Variants in CARS1 observed in about 807,000 individuals in gnomAD.
CARS1 encodes the protein cysteinyl-tRNA synthetase 1, also known as cysteine--tRNA ligase, cytoplasmic.
Under a neutral mutation model 106.2 loss-of-function variants are expected in CARS1, and 48 were observed. The observed-to-expected ratio is 0.45, with a 90% CI of 0.36 to 0.57. The LOEUF (loss-of-function observed/expected upper bound fraction) is 0.57. Ranked by LOEUF, CARS1 falls within the 20% of genes least tolerant of loss-of-function variation. The probability of loss-of-function intolerance (pLI) is 0.00; values close to 1 mark genes in which losing one functional copy is unlikely to be tolerated. For synonymous variants in CARS1, 409 were observed against 403.4 expected, an observed-to-expected ratio of 1.01 and a Z score of -0.17; for missense variants, 968 against 1,057.2, an observed-to-expected ratio of 0.92 and a Z score of 1.17.
In CARS1 at chr11:3,021,722, C is replaced by T. The variant is rs1402232884; in HGVS notation, c.1154-1390G>A. 1.3e-5 allele frequency among the ~76,000 whole-genome samples: 2 copies of T among 152,138 alleles called. No individual in the cohort carries two copies. Among genetic ancestry groups the T allele is most frequent in the African/African-American group, 4.8e-5 (2 of 41,452 alleles). On this transcript the variant is annotated intron_variant, in intron 10 of 22. Coordinates refer to ENST00000380525, the MANE Select transcript of CARS1 (RefSeq NM_001014437.3). This position sits in a 1 kb window ranked among gnomAD's most constrained non-coding sequence, Gnocchi z 5.3. The stretch of plus-strand genomic sequence containing the variant: ...ATTCCCAGATTAAAAAACAAACACA[C>T]AAAAACACAAAAAACCTCTGCAAGC...
intron 18 of CARS1, 53 bp downstream of exon 18, chr11:3,012,142 G>A (rs760693669): frequency 3.3e-6 from 5 of 1,507,534 alleles, no homozygotes; most frequent in Non-Finnish European, 4.6e-6. Flanking sequence ...CCCGGTCCGG[G>A]GAGCCCAGTG....
intron 22 of CARS1, among the ~76,000 whole-genome samples, chr11:3,001,760 C>G (rs1849420974): frequency 1.3e-5 from 2 of 152,322 alleles, no homozygotes; most frequent in South Asian, 4.1e-4. Context: ...GTGGAGGGGG[C>G]CCTGGCACGG....
intron 1 of CARS1, among the ~76,000 whole-genome samples, chr11:3,057,075 C>T (rs1425090558): frequency 6.6e-6 from 1 of 152,130 alleles, no homozygotes; most frequent in Admixed American, 6.6e-5. Flanking sequence ...TCAGGACCCG[C>T]CGTCCCTCAG....
Position 3,015,810 on chromosome 11 carries a change from G to T in CARS1, c.1957C>A (p.Pro653Thr). 1 of 1,614,174 alleles carries T rather than the reference G, an allele frequency of 6.2e-7. No individual in the cohort carries two copies. The highest frequency in any genetic ancestry group is 1.1e-5 in the South Asian group (1 of 91,084). Residue 653 changes from proline to threonine, a missense_variant, in exon 17 of 23, where the codon CCG becomes ACG. Coordinates refer to ENST00000380525, the MANE Select transcript of CARS1 (RefSeq NM_001014437.3). The stretch of plus-strand genomic sequence containing the variant: ...AGGCTGGTTCCAGGCCCTCCGACCG[G>T]GAATCCCAGGGAGCTGTCCTCTTCT... ...AVEEDSSLGF[P>T]VGGPGTSLSL... is the part of the protein sequence containing the mutation.
At chr11:3,010,700 C>T (rs1057252550) in intron 18 of CARS1, among the ~76,000 whole-genome samples, 9 of 152,228 alleles carry the variant, frequency 5.9e-5, no homozygotes, top group South Asian at 4.1e-4. Context: ...CCCGAGCTCC[C>T]GAAACTCTTT....
In CARS1 at chr11:3,034,330, C is replaced by T. The variant is rs1853302060; in HGVS notation, c.801+3720G>A. 6.6e-6 allele frequency among the ~76,000 whole-genome samples: 1 copy of T among 152,128 alleles called. No homozygotes were observed. The highest frequency in any genetic ancestry group is 1.5e-5 in the Non-Finnish European group (1 of 68,030). ...CCGCCTCCTGGTTTCAAGCTATTCT[C>T]CTGCCTCAGCCTCCAGAGTAGCTGG... On this transcript the variant is annotated intron_variant, in intron 7 of 22. Transcript: ENST00000380525. The surrounding 1 kb of genome is among the most constrained non-coding windows in gnomAD (Gnocchi z 6.3).
In CARS1 at chr11:3,028,495, T is replaced by C; in HGVS notation, c.1031+501A>G. The C allele has an allele frequency of 4.7e-6, 1 of 214,792 alleles. No homozygotes were observed. Among genetic ancestry groups the C allele is most frequent in the Non-Finnish European group, 9.0e-6 (1 of 110,514 alleles). 13.3% of individuals were successfully genotyped at this position (214,792 alleles called of 1,614,324 possible). ...GGGTTCCTGTCTGCATTTCCATTTG[T>C]TGGCCATTTCTGAAAATGCTTACTT... On this transcript the variant is annotated intron_variant, in intron 9 of 22. Coordinates refer to ENST00000380525, the MANE Select transcript of CARS1 (RefSeq NM_001014437.3). This position sits in a 1 kb window ranked among gnomAD's most constrained non-coding sequence, Gnocchi z 4.4.
Position 3,029,290 on chromosome 11 carries a change from T to C in CARS1, c.942+13A>G, listed in dbSNP as rs760585448. 5.6e-6 allele frequency: 9 copies of C among 1,613,462 alleles called. No individual in the cohort carries two copies. The highest frequency in any genetic ancestry group is 2.5e-6 in the Non-Finnish European group (3 of 1,179,642). The stretch of plus-strand genomic sequence containing the variant: ...GCGCAAGAGAGCCAGCACAAGACAA[T>C]CGTGACACTTACATTCAGAGCTTCC... On this transcript the variant is annotated intron_variant, in intron 8 of 22. Coordinates refer to ENST00000380525, the MANE Select transcript of CARS1 (RefSeq NM_001014437.3). This position sits in a 1 kb window ranked among gnomAD's most constrained non-coding sequence, Gnocchi z 5.9.
chr11:3,005,175 G>A (rs1282069999), intron 20 of CARS1, among the ~76,000 whole-genome samples, 191 bp downstream of exon 20: 1 of 150,792 alleles, frequency 6.6e-6, no homozygotes, highest in Admixed American at 6.6e-5. Flanking sequence ...CACTTAAACT[G>A]AGGGAATAAT....
chr11:3,025,471 A>G (rs1851955902), intron 10 of CARS1, among the ~76,000 whole-genome samples: 1 of 152,112 alleles, frequency 6.6e-6, no homozygotes, highest in Non-Finnish European at 1.5e-5. Context: ...CAGGTGATCC[A>G]CCCACCTCGG....
At chr11:3,010,199 G>C (rs1052535316) in intron 18 of CARS1, among the ~76,000 whole-genome samples, 3 of 152,266 alleles carry the variant, frequency 2.0e-5, no homozygotes, top group African/African-American at 7.2e-5. Flanking sequence ...CCACCGAGCG[G>C]GAGCTTGTGC....
intron 2 of CARS1, 125 bp from the exon 3 acceptor site, chr11:3,042,381 A>C: frequency 1.6e-6 from 1 of 637,394 alleles, no homozygotes; most frequent in South Asian, 1.9e-5. Context: ...AAACAATGTG[A>C]AACCACACGA....
At chr11:3,049,419 G>A (rs74048780) in intron 1 of CARS1, among the ~76,000 whole-genome samples, 1,966 of 152,326 alleles carry the variant, frequency 0.013, 49 homozygotes, top group African/African-American at 0.045. Flanking sequence ...CCTCTGACAC[G>A]GGAGTTGTGG....
intron 10 of CARS1, among the ~76,000 whole-genome samples, chr11:3,024,173 G>A (rs1851831359): frequency 6.6e-6 from 1 of 152,206 alleles, no homozygotes; most frequent in Non-Finnish European, 1.5e-5. Flanking sequence ...TTACAGGCGT[G>A]AGCCACTGCA....
rs746571547 is a variant in CARS1, at chr11:3,039,163, C to T, written c.651+31G>A. ...GACCGAGAACAGAAAGCAAAGGGCT[C>T]GGTTTCTAGAGCAGACAGCAAGAGG... On this transcript the variant is annotated intron_variant, in intron 6 of 22. Transcript: ENST00000380525. This position sits in a 1 kb window ranked among gnomAD's most constrained non-coding sequence, Gnocchi z 5.6. 26 of 1,414,706 alleles carry T rather than the reference C, an allele frequency of 1.8e-5. 1 individual carries two copies. In the Admixed American group the frequency reaches 3.0e-4, roughly 17 times the overall value. The allele number at this position is 1,414,706 out of a possible 1,614,324, so 87.6% of individuals were successfully genotyped here.
rs1403393944 is a variant in CARS1 at position 3,003,909 on chromosome 11, GA to G, written c.2218-1310del. Among the ~76,000 whole-genome samples, 1 of 152,202 alleles carries G rather than the reference GA, an allele frequency of 6.6e-6. No individual in the cohort carries two copies. The highest frequency in any genetic ancestry group is 2.1e-4 in the South Asian group (1 of 4,830). On this transcript the variant is annotated intron_variant, in intron 20 of 22. Transcript: ENST00000380525. This position sits in a 1 kb window ranked among gnomAD's most constrained non-coding sequence, Gnocchi z 4.8. ...CTTGGTTGGGAAACAGGAGCTACTA[GA>G]AGTCACAGGCCACAGCCAAGGTGGC... is the stretch of plus-strand genomic sequence containing the variant.
At chr11:3,051,117 A>G (rs114442788) in intron 1 of CARS1, among the ~76,000 whole-genome samples, 2,189 of 152,336 alleles carry the variant, frequency 0.014, 42 homozygotes, top group African/African-American at 0.05. Context: ...CACCTGCACA[A>G]GGACCAGTGC....
intron 2 of CARS1, among the ~76,000 whole-genome samples, 194 bp downstream of exon 2, chr11:3,047,559 T>C (rs1251575611): frequency 6.6e-6 from 1 of 152,144 alleles, no homozygotes; most frequent in Non-Finnish European, 1.5e-5. Context: ...ACCAACTCCA[T>C]AGGGCGTGAT....
chr11:3,014,053 T>G (rs1850755787), intron 17 of CARS1, among the ~76,000 whole-genome samples: 1 of 152,104 alleles, frequency 6.6e-6, no homozygotes, highest in Non-Finnish European at 1.5e-5. Flanking sequence ...CATCTGAACT[T>G]TGGACTTCTT....
Sources: gnomAD v4.1 joint callset for allele counts (sites outside exome capture counted in the v4.1 genomes callset) on GRCh38, gnomAD v4.1.1 for gene constraint, Gnocchi (gnomAD v3.1) non-coding constraint, MANE v1.5 for transcripts, NCBI Gene and HGNC (gene_info 2026-07-23, HGNC 2026-07-21) for gene names.